The following TAC4 variants were observed in gnomAD, a reference collection of about 807,000 sequenced individuals.
The protein encoded by TAC4 is tachykinin-4.
Under a neutral mutation model 17.7 loss-of-function variants are expected in TAC4, and 17 were observed. That is an observed-to-expected ratio of 0.96 (90% CI 0.66 to 1.44). The LOEUF (loss-of-function observed/expected upper bound fraction) is 1.44, where lower values mean the gene tolerates loss of function less well. TAC4 is among the 40% of genes most tolerant of loss of function. The pLI, the probability that TAC4 is intolerant of heterozygous loss-of-function variation, is 0.00. For synonymous variants in TAC4, 62 were observed against 52.4 expected (o/e 1.18, Z -0.79); for missense variants, 118 against 125.6 (o/e 0.94, Z 0.29).
intron 3 of TAC4, among the ~76,000 whole-genome samples, chr17:49,840,663 G>T (rs1383961813): frequency 6.6e-6 from 1 of 151,654 alleles, no homozygotes; most frequent in Admixed American, 6.6e-5. Context: ...CCACCACACC[G>T]GACTAATTTT....
At chr17:49,843,236 A>G (rs1598104098) in intron 2 of TAC4, among the ~76,000 whole-genome samples, 1 of 152,252 alleles carries the variant, frequency 6.6e-6, no homozygotes, top group Admixed American at 6.5e-5. Context: ...CACTTAAAAA[A>G]TGTAATATTG....
intron 1 of TAC4, 59 bp downstream of exon 1, chr17:49,847,854 G>C: frequency 1.2e-6 from 2 of 1,612,698 alleles, no homozygotes; most frequent in Non-Finnish European, 1.7e-6. Context: ...CTGCACTGCC[G>C]ATTATCCCCT....
At chr17:49,845,904 A>G in intron 1 of TAC4, 1 of 187,532 alleles carries the variant, frequency 5.3e-6, no homozygotes, top group Non-Finnish European at 1.1e-5. Context: ...TGGCTGGGGC[A>G]TCTATCTTGA....
chr17:49,847,873 C>T (rs2074557332), intron 1 of TAC4, 40 bp downstream of exon 1: 1 of 1,613,624 alleles, frequency 6.2e-7, no homozygotes, highest in Non-Finnish European at 8.5e-7. Context: ...CTGCCCTCGT[C>T]AGAGCCTCTC....
At chr17:49,842,583 G>A (rs78772596) in intron 2 of TAC4, among the ~76,000 whole-genome samples, 1,676 of 151,540 alleles carry the variant, frequency 0.011, 25 homozygotes, top group Non-Finnish European at 0.017. Flanking sequence ...TTGTAGAAGA[G>A]GAAACTAAGG....
rs769716291 is a variant in TAC4 at position 49,839,898 on chromosome 17, C to G, written c.244G>C (p.Glu82Gln). 6.2e-7 allele frequency: 1 copy of G among 1,611,974 alleles called. No homozygotes were observed. The highest frequency in any genetic ancestry group is 1.1e-5 in the South Asian group (1 of 90,342). ...QPRRKKAYQL[E>Q]HTFQGLLGKR... ...CCCAGGAGGCCCTGGAACGTGTGTT[C>G]CAGCTGATATGCTGGTGGTGGGAGA... The change falls in exon 4 of 5, where the codon GAA (glutamate) becomes CAA (glutamine). Residue 82 changes from glutamate to glutamine, a missense_variant. Transcript: ENST00000436235.
Position 49,838,647 on chromosome 17 carries a change from C to T in TAC4, c.319G>A (p.Glu107Lys), listed in dbSNP as rs2074474419. ...GAAGTCTGTGGTGGGGGCTTTTACT[C>T]TGAACCTTGGGCCTCATCCTCTCTG... is the stretch of plus-strand genomic sequence containing the variant. ...EGREDEAQGSE is the reference protein window; with the variant it reads ...EGREDEAQGSK Residue 107 changes from glutamate to lysine, a missense_variant, in exon 5 of 5, where the codon GAG becomes AAG. Physicochemically the swap from Glu to Lys is moderately conservative, Grantham distance 56 (BLOSUM62 1). Transcript: ENST00000436235. The T allele has an allele frequency of 6.2e-7, 1 of 1,613,542 alleles. No homozygotes were observed. The highest frequency in any genetic ancestry group is 1.3e-5 in the African/African-American group (1 of 74,878).
At chr17:49,844,037 C>T in intron 2 of TAC4, 27 bp downstream of exon 2, 2 of 1,608,436 alleles carry the variant, frequency 1.2e-6, no homozygotes, top group African/African-American at 2.7e-5. Flanking sequence ...CCCCTGCTTG[C>T]TGGGCTCCAT....
At chr17:49,847,103 G>A (rs2074547383) in intron 1 of TAC4, 2 of 1,289,874 alleles carry the variant, frequency 1.6e-6, no homozygotes, top group Non-Finnish European at 2.0e-6. Flanking sequence ...AAGCGCCTCC[G>A]AGGACCTCAT....
chr17:49,847,810 C>G, intron 1 of TAC4, 103 bp downstream of exon 1: 1 of 1,595,900 alleles, frequency 6.3e-7, no homozygotes, highest in Non-Finnish European at 8.6e-7. Flanking sequence ...AGACTGCCTG[C>G]TCTCCCAGCA....
chr17:49,838,668 C>T lies in TAC4; in HGVS notation c.298G>A (p.Glu100Lys), dbSNP rs749887131. Residue 100 changes from glutamate to lysine, a missense_variant, in exon 5 of 5, where the codon GAG becomes AAG. Transcript: ENST00000436235. ...TACTCTGAACCTTGGGCCTCATCCT[C>T]TCTGCCTGGGGAGAGTTTGGTATAT... Reference protein sequence around the residue: ...GKRSLFTEGREDEAQGSE With the variant: ...GKRSLFTEGRKDEAQGSE 3 of 1,613,420 alleles carry T rather than the reference C, an allele frequency of 1.9e-6. No homozygotes were observed. The highest frequency in any genetic ancestry group is 2.2e-5 in the East Asian group (1 of 44,802).
intron 1 of TAC4, among the ~76,000 whole-genome samples, chr17:49,844,476 A>G (rs1390767508): frequency 6.6e-6 from 1 of 151,652 alleles, no homozygotes; most frequent in Non-Finnish European, 1.5e-5. Flanking sequence ...AGAATTGTTC[A>G]GCTGGGCGCA....
Position 49,844,440 on chromosome 17 carries a change from C to T in TAC4, c.106-283G>A, listed in dbSNP as rs974090367. On this transcript the variant is annotated intron_variant, in intron 1 of 4. Coordinates refer to ENST00000436235, the MANE Select transcript of TAC4 (RefSeq NM_001077506.2). ...TAAGTACTGTTACTGTCATTTTACACATGAAAACACCGAGACACAGGTTAA... is the reference window on the plus strand; with the variant it reads ...TAAGTACTGTTACTGTCATTTTACATATGAAAACACCGAGACACAGGTTAA... 2.0e-5 allele frequency among the ~76,000 whole-genome samples: 3 copies of T among 151,936 alleles called. No homozygotes were observed. The East Asian group carries it at 5.8e-4, about 29-fold the overall frequency.
At chr17:49,843,471 A>AC (rs2074513231) in intron 2 of TAC4, among the ~76,000 whole-genome samples, 2 of 152,172 alleles carry the variant, frequency 1.3e-5, no homozygotes, top group Admixed American at 1.3e-4. Flanking sequence ...GGAAGGCACC[A>AC]CTCAGGGTGC....
intron 3 of TAC4, among the ~76,000 whole-genome samples, 184 bp downstream of exon 3, chr17:49,841,368 T>C (rs2074496920): frequency 6.7e-6 from 1 of 148,150 alleles, no homozygotes; most frequent in Non-Finnish European, 1.5e-5. Context: ...GGACCACCCC[T>C]CTTAAGGAAA....
intron 1 of TAC4, among the ~76,000 whole-genome samples, chr17:49,844,406 A>C (rs1222186698): frequency 3.9e-5 from 6 of 151,922 alleles, no homozygotes; most frequent in African/African-American, 1.5e-4. Context: ...CACCAGGAAA[A>C]CAGTACCCTA....
At chr17:49,844,729 GC>G (rs2074524592) in intron 1 of TAC4, among the ~76,000 whole-genome samples, 1 of 152,200 alleles carries the variant, frequency 6.6e-6, no homozygotes, top group Non-Finnish European at 1.5e-5. Flanking sequence ...CTGCACTCCA[GC>G]CTAGGTGACA....
At chr17:49,841,395 C>T (rs2074497074) in intron 3 of TAC4, among the ~76,000 whole-genome samples, 157 bp downstream of exon 3, 1 of 152,154 alleles carries the variant, frequency 6.6e-6, no homozygotes, top group South Asian at 2.1e-4. Flanking sequence ...GAAAGCCTAG[C>T]ATGGCCAAAC....
chr17:49,838,516 G>A lies in TAC4; in HGVS notation c.*126C>T. 8.6e-7 allele frequency: 1 copy of A among 1,166,540 alleles called. No homozygotes were observed. The highest frequency in any genetic ancestry group is 2.4e-5 in the East Asian group (1 of 41,888). The allele number at this position is 1,166,540 out of a possible 1,614,324, so 72.3% of individuals were successfully genotyped here. Reference sequence around the variant, plus strand: ...GCCCAGTGGGTTCAGTGTGGGCCTTGTGTGAAGTGCCAGCGATGAGGACAG... The same window carrying A: ...GCCCAGTGGGTTCAGTGTGGGCCTTATGTGAAGTGCCAGCGATGAGGACAG... On this transcript the variant is annotated 3_prime_UTR_variant, in exon 5 of 5. Transcript: ENST00000436235.
Sources: allele counts gnomAD v4.1 joint callset (sites outside exome capture counted in the v4.1 genomes callset), GRCh38; gene constraint gnomAD v4.1.1; transcripts MANE v1.5; gene names NCBI Gene and HGNC (gene_info 2026-07-23, HGNC 2026-07-21).